Variants in CDK12 observed in about 807,000 individuals in gnomAD.
CDK12 encodes the protein cyclin-dependent kinase 12.
A neutral mutation model predicts 133.8 loss-of-function variants in CDK12; 17 were observed. The ratio of observed to expected loss-of-function variants is 0.13; its 90% CI spans 0.09 to 0.19. The LOEUF is 0.19. Among genes scored for constraint, CDK12 ranks in the 10% least tolerant of loss-of-function variants. The probability of loss-of-function intolerance (pLI) is 1.00; values close to 1 mark genes in which losing one functional copy is unlikely to be tolerated. For missense variants in CDK12, 1,508 were observed against 1,818.7 expected (o/e 0.83, Z 3.11); for synonymous variants, 694 against 683.6 (o/e 1.02, Z -0.24).
chr17:39,522,314 C>T (rs920378799), intron 11 of CDK12, among the ~76,000 whole-genome samples: 1 of 151,594 alleles, frequency 6.6e-6, no homozygotes, highest in Non-Finnish European at 1.5e-5. Flanking sequence ...CTTGAAGTCC[C>T]GACCTCAGGT....
chr17:39,560,850 A>G (rs933049845), intron 3 of CDK12, among the ~76,000 whole-genome samples: 1 of 152,210 alleles, frequency 6.6e-6, no homozygotes, highest in Admixed American at 6.5e-5. Flanking sequence ...CCCCATCTCT[A>G]CTAAAAATAC....
At chr17:39,464,714 T>C (rs1398717312) in intron 1 of CDK12, among the ~76,000 whole-genome samples, 2 of 151,802 alleles carry the variant, frequency 1.3e-5, no homozygotes, top group African/African-American at 4.8e-5. Flanking sequence ...CACCCATATA[T>C]GTAACAGCAA....
intron 1 of CDK12, among the ~76,000 whole-genome samples, chr17:39,467,304 A>G (rs1198881705): frequency 1.3e-5 from 2 of 152,156 alleles, no homozygotes; most frequent in Non-Finnish European, 2.9e-5. Flanking sequence ...AAGACTGAAA[A>G]TGCTTTGGCA....
At chr17:39,488,948 C>T (rs139545449) in intron 2 of CDK12, among the ~76,000 whole-genome samples, 1 of 152,098 alleles carries the variant, frequency 6.6e-6, no homozygotes, top group African/African-American at 2.4e-5. Flanking sequence ...ATTTTTGAGA[C>T]AGAGTCTTGT....
Position 39,534,349 on chromosome 17 carries a change from A to G in CDK12, c.*3033A>G. ...AGCAGGTTTTGAGAGAGAATGCTGC[A>G]TCAGAAAAGTGTCAGTTGCCACCTC... On this transcript the variant is annotated 3_prime_UTR_variant, in exon 14 of 14. Coordinates refer to ENST00000447079, the MANE Select transcript of CDK12 (RefSeq NM_016507.4). 4.3e-6 allele frequency: 1 copy of G among 233,094 alleles called. No individual in the cohort carries two copies. The highest frequency in any genetic ancestry group is 8.5e-6 in the Non-Finnish European group (1 of 117,852). The allele number at this position is 233,094 out of a possible 1,614,324, so 14.4% of individuals were successfully genotyped here.
At chr17:39,564,013 G>T (rs1397634149) in intron 3 of CDK12, among the ~76,000 whole-genome samples, 1 of 152,192 alleles carries the variant, frequency 6.6e-6, no homozygotes, top group Admixed American at 6.5e-5. Context: ...AAAAAACCCT[G>T]TCCTCTCATT....
At chr17:39,483,734 T>A (rs889141176) in intron 2 of CDK12, among the ~76,000 whole-genome samples, 9 of 147,032 alleles carry the variant, frequency 6.1e-5, no homozygotes, top group East Asian at 6.0e-4. Flanking sequence ...TTATTTATTT[T>A]TTGAGGCGGA....
rs776402528 is a variant in CDK12 at position 39,530,668 on chromosome 17, G to A, written c.3825G>A (p.Pro1275=). ...CTGAGCCCCCCGGACCTCCACCGCC[G>A]CCACCTCCACCCCCTCTGGTTGAAG... ...RPPEPPGPPP[P]PPPPPLVEGD... Residue 1275 remains proline, a synonymous_variant, in exon 14 of 14, where the codon CCG becomes CCA. Transcript: ENST00000447079. 4.4e-5 allele frequency: 66 copies of A among 1,507,690 alleles called. No individual in the cohort carries two copies. The highest frequency in any genetic ancestry group is 1.8e-4 in the Middle Eastern group (1 of 5,540). The allele number at this position is 1,507,690 out of a possible 1,614,324, so 93.4% of individuals were successfully genotyped here.
chr17:39,544,220 CTAATG>C (rs1226625472), upstream of CDK12: 1 of 482,082 alleles, frequency 2.1e-6, no homozygotes, highest in Non-Finnish European at 4.1e-6. Context: ...TGTCTCATGT[CTAATG>C]TAACCTGCCA....
Position 39,461,855 on chromosome 17 carries a change from A to C in CDK12, c.-217A>C, listed in dbSNP as rs2048981513. 5.2e-6 allele frequency: 3 copies of C among 578,104 alleles called. No individual in the cohort carries two copies. The highest frequency in any genetic ancestry group is 9.3e-6 in the Non-Finnish European group (3 of 323,352). The allele number at this position is 578,104 out of a possible 1,614,324, so 35.8% of individuals were successfully genotyped here. ...TGTCTCGCAACTCCACTGCCGAGGA[A>C]CTCTCATTTCTTCCCTCGCTCCTTC... On this transcript the variant is annotated 5_prime_UTR_variant, in exon 1 of 14. Coordinates refer to ENST00000447079, the MANE Select transcript of CDK12 (RefSeq NM_016507.4).
chr17:39,471,617 G>C lies in CDK12; in HGVS notation c.1785G>C (p.Val595=), dbSNP rs746160085. Residue 595 remains valine, a synonymous_variant, in exon 2 of 14, where the codon GTG becomes GTC. Coordinates refer to ENST00000447079, the MANE Select transcript of CDK12 (RefSeq NM_016507.4). Reference sequence around the variant, plus strand: ...CTACTCACTCAAAGACATCTGCTGTGTCCTCTCAGGCAAATTCTCAGCCCC... The same window carrying C: ...CTACTCACTCAAAGACATCTGCTGTCTCCTCTCAGGCAAATTCTCAGCCCC... The part of the protein sequence containing the change: ...PPSTHSKTSA[V]SSQANSQPPV... 9 of 1,613,978 alleles carry C rather than the reference G, an allele frequency of 5.6e-6. No individual in the cohort carries two copies. The Admixed American group carries it at 1.5e-4, about 27-fold the overall frequency.
chr17:39,497,049 G>A (rs1423151312), intron 5 of CDK12, among the ~76,000 whole-genome samples: 2 of 150,712 alleles, frequency 1.3e-5, no homozygotes, highest in East Asian at 3.9e-4. Flanking sequence ...TCCTGCCTCA[G>A]CCTTTGGAGT....
At chr17:39,493,026 C>A in intron 4 of CDK12, 136 bp downstream of exon 4, 1 of 748,624 alleles carries the variant, frequency 1.3e-6, no homozygotes, top group Non-Finnish European at 2.1e-6. Context: ...GAGATGGAGT[C>A]TTGCTCCCCA....
At chr17:39,480,243 T>C (rs1322429029) in intron 2 of CDK12, among the ~76,000 whole-genome samples, 1 of 150,116 alleles carries the variant, frequency 6.7e-6, no homozygotes, top group Non-Finnish European at 1.5e-5. Context: ...AGTGTCATTT[T>C]GGGAAAAGAA....
At chr17:39,538,366 T>C (rs1291022749), downstream of CDK12, among the ~76,000 whole-genome samples, 1 of 152,196 alleles carries the variant, frequency 6.6e-6, no homozygotes, top group Admixed American at 6.5e-5. Flanking sequence ...AATATGCGAA[T>C]TAGAGTCACA....
chr17:39,535,746 CAAA>C (rs1306198720), downstream of CDK12, among the ~76,000 whole-genome samples: 2 of 152,128 alleles, frequency 1.3e-5, no homozygotes, highest in Non-Finnish European at 2.9e-5. Context: ...GTTAATGCCT[CAAA>C]GAAGTAAACA....
intron 9 of CDK12, among the ~76,000 whole-genome samples, chr17:39,517,060 C>A (rs998568676): frequency 6.6e-6 from 1 of 152,098 alleles, no homozygotes; most frequent in African/African-American, 2.4e-5. Context: ...CTTATACTCT[C>A]TTCTCATCTC....
At chr17:39,486,606 A>T (rs1421824433) in intron 2 of CDK12, among the ~76,000 whole-genome samples, 2 of 152,262 alleles carry the variant, frequency 1.3e-5, no homozygotes, top group East Asian at 3.9e-4. Context: ...ACCAAGAAGA[A>T]ATCTGTTTTG....
chr17:39,564,776 C>T (rs2056513896), exon 4 of CDK12: 2 of 152,230 alleles, frequency 1.3e-5, no homozygotes, highest in Admixed American at 6.5e-5. Flanking sequence ...CCTTAGAGAG[C>T]TCTTAGAGGG....
Sources: allele counts gnomAD v4.1 joint callset (sites outside exome capture counted in the v4.1 genomes callset), GRCh38; gene constraint gnomAD v4.1.1; transcripts MANE v1.5; gene names NCBI Gene and HGNC (gene_info 2026-07-23, HGNC 2026-07-21).